Variants in RYR3 observed in about 807,000 individuals in gnomAD.
RYR3 encodes the protein brain ryanodine receptor-calcium release channel.
In RYR3, 207 loss-of-function variants were observed where a neutral mutation model predicts 584.3. That is an observed-to-expected ratio of 0.35 (90% CI 0.32 to 0.40). The LOEUF is 0.40. Ranked by LOEUF, RYR3 falls within the 10% of genes least tolerant of loss-of-function variation. The pLI, the probability that RYR3 is intolerant of heterozygous loss-of-function variation, is 1.00. For synonymous variants in RYR3, 2,416 were observed against 2,248.5 expected (o/e 1.07, Z -2.11); for missense variants, 5,616 against 6,089.2 (o/e 0.92, Z 2.59).
intron 1 of RYR3, among the ~76,000 whole-genome samples, chr15:33,351,174 C>T (rs1973195019): frequency 6.6e-6 from 1 of 152,124 alleles, no homozygotes; most frequent in Admixed American, 6.5e-5. Context: ...AATGGATAAA[C>T]TCCTCGACAC....
At chr15:33,365,989 T>C (rs768134409) in intron 1 of RYR3, among the ~76,000 whole-genome samples, 20 of 152,198 alleles carry the variant, frequency 1.3e-4, no homozygotes, top group Middle Eastern at 6.3e-3. Context: ...ATAAGGCACT[T>C]AATAAGGTCT....
Position 33,738,487 on chromosome 15 carries a change from A to ACTGCCTGC in RYR3, c.7556_7563dup (p.Ser2522AlafsTer11). 6.2e-7 allele frequency: 1 copy of ACTGCCTGC among 1,613,974 alleles called. No individual in the cohort carries two copies. The highest frequency in any genetic ancestry group is 8.5e-7 in the Non-Finnish European group (1 of 1,179,874). On this transcript the variant is annotated frameshift_variant, in exon 50 of 104. Transcript: ENST00000634891. LOFTEE classifies it high-confidence loss of function. ...CACTATGAACAGTGTTGGAAGTATT[A>ACTGCCTGC]CTGCCTGCCTTCAGGATGGGGGAGC...
intron 11 of RYR3, among the ~76,000 whole-genome samples, chr15:33,563,927 G>A (rs766292169): frequency 6.6e-6 from 1 of 152,116 alleles, no homozygotes; most frequent in Non-Finnish European, 1.5e-5. Context: ...GCTTGTATGA[G>A]ACCAACCCTT....
chr15:33,534,661 A>G (rs550238672), intron 5 of RYR3, among the ~76,000 whole-genome samples: 3 of 152,364 alleles, frequency 2.0e-5, no homozygotes, highest in African/African-American at 4.8e-5. Context: ...TCAAAGTTGT[A>G]ATATCAAACA....
chr15:33,437,544 G>A (rs1027102339), intron 1 of RYR3, among the ~76,000 whole-genome samples: 11 of 152,306 alleles, frequency 7.2e-5, no homozygotes, highest in Middle Eastern at 3.4e-3. Context: ...CCTGAAAGGA[G>A]GCTGGGAATT....
At chr15:33,391,708 T>C (rs767925472) in intron 1 of RYR3, among the ~76,000 whole-genome samples, 1 of 151,716 alleles carries the variant, frequency 6.6e-6, no homozygotes, top group Non-Finnish European at 1.5e-5. Flanking sequence ...AAAGTAATAG[T>C]GTTGAGTTTT....
At chr15:33,726,052 A>G (rs956225885) in intron 45 of RYR3, among the ~76,000 whole-genome samples, 1 of 144,752 alleles carries the variant, frequency 6.9e-6, no homozygotes, top group South Asian at 2.3e-4. Context: ...TGTCGTGGCC[A>G]CTGAGCACTT....
At chr15:33,344,027 C>T (rs767266511) in intron 1 of RYR3, among the ~76,000 whole-genome samples, 5 of 152,238 alleles carry the variant, frequency 3.3e-5, no homozygotes, top group African/African-American at 7.2e-5. Flanking sequence ...GAAATAGTCC[C>T]GAAATGCTGT....
In RYR3 at chr15:33,660,179, C is replaced by T; in HGVS notation, c.4396-18C>T. Reference sequence around the variant, plus strand: ...CAACTGTGTGTTTCTTTTCCAATGCCTTTCCCACGTGCCCCAGAACGCAAT... The same window carrying T: ...CAACTGTGTGTTTCTTTTCCAATGCTTTTCCCACGTGCCCCAGAACGCAAT... On this transcript the variant is annotated intron_variant, in intron 33 of 103. Coordinates refer to ENST00000634891, the MANE Select transcript of RYR3 (RefSeq NM_001036.6). 2 of 1,529,984 alleles carry T rather than the reference C, an allele frequency of 1.3e-6. No homozygotes were observed. Among genetic ancestry groups the T allele is most frequent in the South Asian group, 1.2e-5 (1 of 83,406 alleles). 94.8% of individuals were successfully genotyped at this position (1,529,984 alleles called of 1,614,324 possible). A position where few individuals can be genotyped will look rare whatever the true frequency, so the allele number is the denominator to read the frequency against.
intron 71 of RYR3, 133 bp downstream of exon 71, chr15:33,810,782 C>A: frequency 2.6e-6 from 3 of 1,160,612 alleles, no homozygotes; most frequent in Non-Finnish European, 3.7e-6. Flanking sequence ...TGTATGGAGG[C>A]AACACGCCCT....
Position 33,315,433 on chromosome 15 carries a change from G to A in RYR3, c.51+4337G>A, listed in dbSNP as rs75297757. 7.8e-3 allele frequency among the ~76,000 whole-genome samples: 1,194 copies of A among 152,296 alleles called. 13 individuals carry two copies. The highest frequency in any genetic ancestry group is 0.028 in the African/African-American group (1,162 of 41,556). On this transcript the variant is annotated intron_variant, in intron 1 of 103. Transcript: ENST00000634891. ...GCTAGTGAGTAGCAATGGAGGTAGT[G>A]CTAAAATTCAGACCTCAGATACCCA...
intron 1 of RYR3, among the ~76,000 whole-genome samples, chr15:33,357,896 T>C (rs1455155391): frequency 2.0e-5 from 3 of 152,168 alleles, no homozygotes; most frequent in Non-Finnish European, 4.4e-5. Flanking sequence ...CAAACTTACG[T>C]TGGATCAGAT....
At position 33,639,666 on chromosome 15, in the gene RYR3, C is replaced by A. The variant is rs573232310; in HGVS notation, c.3556+3116C>A. 3.3e-5 allele frequency among the ~76,000 whole-genome samples: 5 copies of A among 152,278 alleles called. No individual in the cohort carries two copies. The South Asian group carries it at 6.2e-4, about 19-fold the overall frequency. On this transcript the variant is annotated intron_variant, in intron 27 of 103. Transcript: ENST00000634891. ...CCAGTGGGAGCTGGGCCATGGGAAGCCTTTTGCCCTTTTGGGGAAGCAGTG... is the reference window on the plus strand; with the variant it reads ...CCAGTGGGAGCTGGGCCATGGGAAGACTTTTGCCCTTTTGGGGAAGCAGTG...
intron 82 of RYR3, 127 bp from the exon 83 acceptor site, chr15:33,826,125 C>G (rs541208156): frequency 2.3e-6 from 2 of 865,632 alleles, no homozygotes; most frequent in African/African-American, 3.3e-5. Flanking sequence ...ATGCTTCCAT[C>G]GGTAGCTTTA....
chr15:33,715,364 T>C (rs989302567), intron 43 of RYR3, among the ~76,000 whole-genome samples: 1 of 152,208 alleles, frequency 6.6e-6, no homozygotes, highest in African/African-American at 2.4e-5. Context: ...TTCAGCAAGC[T>C]CTTGAAAAAT....
intron 32 of RYR3, among the ~76,000 whole-genome samples, chr15:33,658,314 G>GA (rs1566892009): frequency 6.6e-6 from 1 of 152,172 alleles, no homozygotes; most frequent in Non-Finnish European, 1.5e-5. Context: ...CACTCTCCCC[G>GA]CCTTCCGCCC....
Position 33,649,127 on chromosome 15 carries a change from T to A in RYR3, c.4034T>A (p.Val1345Asp). The change falls in exon 31 of 104, where the codon GTC (valine) becomes GAC (aspartate). Residue 1345 changes from valine (V) to aspartate (D), a missense_variant. Physicochemically the swap from Val to Asp is radical, Grantham distance 152. Transcript: ENST00000634891. ...GGACAGGATCCATCCTGTGTCTGGG[T>A]CGGATGGGTGACTCCAGACTATCAC... ...FAGQDPSCVW[V>D]GWVTPDYHLY... 6.2e-7 allele frequency: 1 copy of A among 1,613,684 alleles called. No homozygotes were observed. Among genetic ancestry groups the A allele is most frequent in the Non-Finnish European group, 8.5e-7 (1 of 1,179,810 alleles).
chr15:33,669,990 G>T (rs1362456912), intron 37 of RYR3, among the ~76,000 whole-genome samples: 1 of 152,036 alleles, frequency 6.6e-6, no homozygotes, highest in African/African-American at 2.4e-5. Context: ...CTCAGCATTT[G>T]TGTTGCTTGT....
intron 50 of RYR3, 113 bp downstream of exon 50, chr15:33,738,703 C>T (rs56011633): frequency 0.13 from 148,776 of 1,151,618 alleles, 11,081 homozygotes; most frequent in South Asian, 0.25. Flanking sequence ...GTGCTAAGTA[C>T]TTCACAAGCA....
Sources: gnomAD v4.1 joint callset for allele counts (sites outside exome capture counted in the v4.1 genomes callset) on GRCh38, gnomAD v4.1.1 for gene constraint, MANE v1.5 for transcripts, NCBI Gene and HGNC (gene_info 2026-07-23, HGNC 2026-07-21) for gene names.